CCSER1: variants seen among roughly 807,000 people sequenced by gnomAD.
The protein encoded by CCSER1 is coiled-coil serine rich protein 1.
In CCSER1, 41 loss-of-function variants were observed where a neutral mutation model predicts 82.0. That is an observed-to-expected ratio of 0.50 (90% CI 0.39 to 0.65). The LOEUF is 0.65. CCSER1 is among the 30% of genes least tolerant of loss of function. CCSER1 has a pLI of 0.00. For missense variants in CCSER1, 1,119 were observed against 1,064.2 expected (o/e 1.05, Z -0.72); for synonymous variants, 414 against 383.9 (o/e 1.08, Z -0.92).
chr4:90,628,135 A>G lies in CCSER1; in HGVS notation c.1835A>G (p.Glu612Gly). 1.2e-6 allele frequency: 2 copies of G among 1,613,852 alleles called. No individual in the cohort carries two copies. Among genetic ancestry groups the G allele is most frequent in the Non-Finnish European group, 1.7e-6 (2 of 1,179,766 alleles). ...GATTGGCCTCTACAAGGTGTGGAAG[A>G]AAACGGAGGCATAGATTCTCTGCCA... ...SADWPLQGVEENGGIDSLPFR... is the reference protein window; with the variant it reads ...SADWPLQGVEGNGGIDSLPFR... The change falls in exon 6 of 11, where the codon GAA becomes GGA. Residue 612 changes from glutamate (E) to glycine (G), a missense_variant. Physicochemically the swap from Glu to Gly is moderately conservative, Grantham distance 98 (BLOSUM62 -2). Transcript: ENST00000509176.
At chr4:90,178,589 G>A (rs545380554) in intron 1 of CCSER1, among the ~76,000 whole-genome samples, 1 of 152,172 alleles carries the variant, frequency 6.6e-6, no homozygotes, top group African/African-American at 2.4e-5. Context: ...GTGTTAATGA[G>A]CGTGCTGGTT....
At chr4:91,576,079 T>A (rs1193997277) in intron 10 of CCSER1, among the ~76,000 whole-genome samples, 1 of 152,020 alleles carries the variant, frequency 6.6e-6, no homozygotes, top group Non-Finnish European at 1.5e-5. Flanking sequence ...TTATTCACAA[T>A]AGACAAGATA....
intron 4 of CCSER1, among the ~76,000 whole-genome samples, chr4:90,404,499 A>G (rs1214840906): frequency 3.3e-5 from 5 of 152,198 alleles, no homozygotes; most frequent in African/African-American, 4.8e-5. Flanking sequence ...CATCCTCTCT[A>G]TAGAACTGCA....
At chr4:91,565,693 C>T (rs1287158025) in intron 10 of CCSER1, among the ~76,000 whole-genome samples, 1 of 151,978 alleles carries the variant, frequency 6.6e-6, no homozygotes, top group Non-Finnish European at 1.5e-5. Context: ...TGATATGGCT[C>T]TCAGTTTGGC....
intron 5 of CCSER1, among the ~76,000 whole-genome samples, chr4:90,512,548 T>C (rs1487124014): frequency 6.6e-6 from 1 of 152,134 alleles, no homozygotes. Flanking sequence ...TTCTTATTCT[T>C]ATGTCTGTAA....
At chr4:91,282,857 A>G (rs1743021125) in intron 10 of CCSER1, among the ~76,000 whole-genome samples, 1 of 152,240 alleles carries the variant, frequency 6.6e-6, no homozygotes, top group South Asian at 2.1e-4. Context: ...CTGATTCTGA[A>G]CCAAATCTAA....
intron 5 of CCSER1, among the ~76,000 whole-genome samples, chr4:90,485,989 G>A (rs545818591): frequency 6.6e-6 from 1 of 152,232 alleles, no homozygotes; most frequent in Admixed American, 6.5e-5. Context: ...ACTCTGTCAT[G>A]TGGTCTACAT....
intron 7 of CCSER1, chr4:90,780,417 T>G: frequency 1.2e-6 from 2 of 1,604,390 alleles, no homozygotes; most frequent in Non-Finnish European, 1.7e-6. Flanking sequence ...ATAAGGACTG[T>G]TATTTATTTT....
At position 90,308,708 on chromosome 4, in the gene CCSER1, T is replaced by C. The variant is rs1184712822; in HGVS notation, c.424T>C (p.Ser142Pro). 2 of 1,613,436 alleles carry C rather than the reference T, an allele frequency of 1.2e-6. No homozygotes were observed. Among genetic ancestry groups the C allele is most frequent in the Non-Finnish European group, 1.7e-6 (2 of 1,179,750 alleles). The change falls in exon 2 of 11, where the codon TCA (serine) becomes CCA (proline). Residue 142 changes from serine (S) to proline (P), a missense_variant. Ser to Pro is a moderately conservative substitution (Grantham distance 74, BLOSUM62 -1). Transcript: ENST00000509176. The stretch of plus-strand genomic sequence containing the variant: ...GGATTTTGAAAGGGAAAAAGAGCAC[T>C]CAACTAACAAGAATGTCTTTATAAA... Reference protein sequence around the residue: ...TEDFEREKEHSTNKNVFINCL... With the variant: ...TEDFEREKEHPTNKNVFINCL...
At chr4:91,162,405 G>A (rs536923649) in intron 10 of CCSER1, among the ~76,000 whole-genome samples, 45 of 152,062 alleles carry the variant, frequency 3.0e-4, no homozygotes, top group African/African-American at 1.0e-3. Flanking sequence ...TTTGGTTGTG[G>A]CTCTGTCAGG....
intron 9 of CCSER1, among the ~76,000 whole-genome samples, chr4:91,053,146 C>A (rs1581432161): frequency 6.6e-6 from 1 of 152,116 alleles, no homozygotes; most frequent in African/African-American, 2.4e-5. Context: ...CTTGAAAAAA[C>A]CATAATCTTT....
At chr4:90,371,679 T>A (rs1350785809) in intron 3 of CCSER1, among the ~76,000 whole-genome samples, 1 of 152,198 alleles carries the variant, frequency 6.6e-6, no homozygotes, top group Non-Finnish European at 1.5e-5. Context: ...TAGTTCAATT[T>A]GTTTTTATTG....
chr4:90,776,522 G>T (rs1407834794), intron 7 of CCSER1, among the ~76,000 whole-genome samples: 1 of 152,158 alleles, frequency 6.6e-6, no homozygotes, highest in African/African-American at 2.4e-5. Context: ...AGGTAAGCTA[G>T]CTATCTATTG....
Position 91,440,089 on chromosome 4 carries a change from T to G in CCSER1, c.2218-158483T>G, listed in dbSNP as rs535014937. The stretch of plus-strand genomic sequence containing the variant: ...AAAGTTAACAAGGATACCCAGGAAT[T>G]GAACTCAGCTCTGCACCAAGTGGAC... On this transcript the variant is annotated intron_variant, in intron 10 of 10. Coordinates refer to ENST00000509176, the MANE Select transcript of CCSER1 (RefSeq NM_001145065.2). 1.5e-4 allele frequency among the ~76,000 whole-genome samples: 23 copies of G among 152,144 alleles called. No individual in the cohort carries two copies. In the South Asian group the frequency reaches 4.4e-3, roughly 29 times the overall value.
At chr4:90,880,857 G>A (rs28849822) in intron 8 of CCSER1, among the ~76,000 whole-genome samples, 9,300 of 151,924 alleles carry the variant, frequency 0.061, 311 homozygotes, top group Admixed American at 0.11. Context: ...TCATGCCTGC[G>A]TGGGCCGTCA....
At chr4:90,787,370 C>A (rs1250804300) in intron 7 of CCSER1, among the ~76,000 whole-genome samples, 3 of 152,302 alleles carry the variant, frequency 2.0e-5, no homozygotes, top group Non-Finnish European at 4.4e-5. Flanking sequence ...GAGCCAGGAA[C>A]TGTGGATGAA....
rs182969367 is a variant in CCSER1 at position 91,180,562 on chromosome 4, C to T, written c.2217+94568C>T. Among the ~76,000 whole-genome samples, 493 of 152,298 alleles carry T rather than the reference C, an allele frequency of 3.2e-3. 3 individuals carry two copies. The highest frequency in any genetic ancestry group is 6.9e-3 in the Admixed American group (105 of 15,300). ...TGCCTTGCAGTTTGACCTCAGACTG[C>T]TGTGCTAGTAGTGAGTGAGGCTCTG... On this transcript the variant is annotated intron_variant, in intron 10 of 10. Transcript: ENST00000509176.
At chr4:90,297,774 C>T (rs1243791796) in intron 1 of CCSER1, among the ~76,000 whole-genome samples, 1 of 151,982 alleles carries the variant, frequency 6.6e-6, no homozygotes, top group Admixed American at 6.6e-5. Context: ...GTCTTTGGTT[C>T]TGTTTATATG....
intron 10 of CCSER1, among the ~76,000 whole-genome samples, chr4:91,381,002 A>G (rs1279408857): frequency 6.6e-6 from 1 of 152,160 alleles, no homozygotes; most frequent in African/African-American, 2.4e-5. Context: ...TCCTTCACTG[A>G]TGAAGCTTAT....
Sources: allele counts gnomAD v4.1 joint callset (sites outside exome capture counted in the v4.1 genomes callset), GRCh38; gene constraint gnomAD v4.1.1; transcripts MANE v1.5; gene names NCBI Gene and HGNC (gene_info 2026-07-23, HGNC 2026-07-21).